The following FNIP1 variants were observed in gnomAD, a reference collection of about 807,000 sequenced individuals.
FNIP1 encodes the protein folliculin-interacting protein 1.
A neutral mutation model predicts 124.5 loss-of-function variants in FNIP1; 40 were observed. That is an observed-to-expected ratio of 0.32 (90% confidence interval 0.25 to 0.42). The LOEUF (loss-of-function observed/expected upper bound fraction) is 0.42, where lower values mean the gene tolerates loss of function less well. FNIP1 is among the 10% of genes least tolerant of loss of function. The probability of loss-of-function intolerance (pLI) is 1.00; values close to 1 mark genes in which losing one functional copy is unlikely to be tolerated. For missense variants in FNIP1, 1,176 were observed against 1,403.7 expected, an observed-to-expected ratio of 0.84 and a Z score of 2.59; for synonymous variants, 472 against 470.6, an observed-to-expected ratio of 1.00 and a Z score of -0.04.
chr5:131,739,874 C>T (rs1038013858), intron 2 of FNIP1, among the ~76,000 whole-genome samples: 2 of 146,874 alleles, frequency 1.4e-5, no homozygotes, highest in African/African-American at 5.0e-5. Context: ...AGTATATTTT[C>T]AAATGTGATA....
chr5:131,726,202 G>C (rs1769861398), intron 3 of FNIP1, among the ~76,000 whole-genome samples: 1 of 152,150 alleles, frequency 6.6e-6, no homozygotes, highest in Non-Finnish European at 1.5e-5. Context: ...GATGATGTTG[G>C]CCTCATAAAA....
chr5:131,759,087 T>TA (rs1026045748), intron 1 of FNIP1, among the ~76,000 whole-genome samples: 2 of 151,924 alleles, frequency 1.3e-5, no homozygotes, highest in Non-Finnish European at 2.9e-5. Context: ...TTTAACCGTA[T>TA]AAAAAAATTA....
chr5:131,718,860 G>T, intron 5 of FNIP1, 126 bp downstream of exon 5: 1 of 666,090 alleles, frequency 1.5e-6, no homozygotes, highest in Non-Finnish European at 2.5e-6. Context: ...TGGCTTCCAT[G>T]AACTTTTAAA....
intron 15 of FNIP1, among the ~76,000 whole-genome samples, chr5:131,655,931 A>G (rs1767178723): frequency 6.7e-6 from 1 of 150,282 alleles, no homozygotes; most frequent in African/African-American, 2.4e-5. Context: ...AAACAACAAA[A>G]CAAAACAAAA....
At chr5:131,663,360 T>G (rs569306784) in intron 15 of FNIP1, among the ~76,000 whole-genome samples, 13 of 152,354 alleles carry the variant, frequency 8.5e-5, no homozygotes, top group African/African-American at 3.1e-4. Context: ...TTTTTCTTGA[T>G]TCTCTGTTTC....
At position 131,766,189 on chromosome 5, in the gene FNIP1, T is replaced by G. The variant is rs148688499; in HGVS notation, c.93-21499A>C. Among the ~76,000 whole-genome samples, 171 of 152,004 alleles carry G rather than the reference T, an allele frequency of 1.1e-3. No individual in the cohort carries two copies. In the Middle Eastern group the frequency reaches 0.027, roughly 24 times the overall value. ...GTAACCTTGAACTCCTGGGCACAAG[T>G]GATCCTTCTGCCTCAGCCTCCAAGT... is the stretch of plus-strand genomic sequence containing the variant. On this transcript the variant is annotated intron_variant, in intron 1 of 17. Coordinates refer to ENST00000510461, the MANE Select transcript of FNIP1 (RefSeq NM_133372.3).
At chr5:131,751,888 C>CA (rs893952829) in intron 1 of FNIP1, among the ~76,000 whole-genome samples, 3 of 152,030 alleles carry the variant, frequency 2.0e-5, no homozygotes, top group African/African-American at 7.2e-5. Context: ...TGATGGTCAC[C>CA]AAAAAACTTT....
At chr5:131,689,327 T>G (rs1037059118) in intron 11 of FNIP1, among the ~76,000 whole-genome samples, 2 of 152,166 alleles carry the variant, frequency 1.3e-5, no homozygotes, top group African/African-American at 4.8e-5. Context: ...AAAGATATTT[T>G]TCAGAGAAAA....
At position 131,781,040 on chromosome 5, in the gene FNIP1, G is replaced by A. The variant is rs527415689; in HGVS notation, c.92+15790C>T. Among the ~76,000 whole-genome samples the A allele has an allele frequency of 2.0e-4, 31 of 152,314 alleles. No individual in the cohort carries two copies. In the South Asian group the frequency reaches 6.2e-3, roughly 30 times the overall value. The stretch of plus-strand genomic sequence containing the variant: ...TGCTACCCCAGTGAATAAAAAAATG[G>A]TAAGAAAGTGAAACAGCCTTATTGC... On this transcript the variant is annotated intron_variant, in intron 1 of 17. Transcript: ENST00000510461.
At chr5:131,677,903 A>G (rs1303204248) in intron 12 of FNIP1, 31 bp from the exon 13 acceptor site, 3 of 1,600,210 alleles carry the variant, frequency 1.9e-6, no homozygotes, top group Non-Finnish European at 2.6e-6. Flanking sequence ...ATCAGATTCC[A>G]ATCAGTCTTC....
chr5:131,659,678 C>T (rs1767353103), intron 15 of FNIP1, among the ~76,000 whole-genome samples: 1 of 152,200 alleles, frequency 6.6e-6, no homozygotes, highest in African/African-American at 2.4e-5. Flanking sequence ...GCCAGTGGTA[C>T]AGCCATAGGT....
intron 11 of FNIP1, among the ~76,000 whole-genome samples, chr5:131,693,345 T>TAC (rs1561658443): frequency 5.8e-4 from 76 of 130,552 alleles, no homozygotes; most frequent in African/African-American, 1.5e-3. Flanking sequence ...TATATATATA[T>TAC]ATATATATAT....
At chr5:131,711,968 A>G (rs1230985054) in intron 6 of FNIP1, among the ~76,000 whole-genome samples, 1 of 151,738 alleles carries the variant, frequency 6.6e-6, no homozygotes, top group Non-Finnish European at 1.5e-5. Context: ...CTCCTTCCCT[A>G]CCTCTTCTTC....
chr5:131,697,648 G>T (rs943311655), intron 11 of FNIP1, among the ~76,000 whole-genome samples: 2 of 151,908 alleles, frequency 1.3e-5, no homozygotes, highest in African/African-American at 2.4e-5. Flanking sequence ...AGTGACTTAA[G>T]TTGGGGAAGC....
At chr5:131,722,441 T>C (rs909672912) in intron 3 of FNIP1, among the ~76,000 whole-genome samples, 1 of 152,202 alleles carries the variant, frequency 6.6e-6, no homozygotes, top group African/African-American at 2.4e-5. Context: ...CTAAAATATT[T>C]AGGAAAATTC....
At position 131,781,178 on chromosome 5, in the gene FNIP1, CTGAGAGAGG is replaced by C. The variant is rs1157706355; in HGVS notation, c.92+15643_92+15651del. On this transcript the variant is annotated intron_variant, in intron 1 of 17. Transcript: ENST00000510461. ...CCTAACTCTCTCAACTCTATGAAGT[CTGAGAGAGG>C]TGAGAAGTTTGAAAGTAGTATAGGT... Among the ~76,000 whole-genome samples the C allele has an allele frequency of 2.0e-5, 3 of 152,328 alleles. No homozygotes were observed. In the East Asian group the frequency reaches 5.8e-4, roughly 29 times the overall value.
chr5:131,721,026 C>T (rs1260896428), intron 3 of FNIP1, among the ~76,000 whole-genome samples: 1 of 152,164 alleles, frequency 6.6e-6, no homozygotes. Context: ...GATGTTAGCA[C>T]TCCTATATTC....
intron 3 of FNIP1, among the ~76,000 whole-genome samples, chr5:131,720,000 A>G (rs984950953): frequency 7.9e-5 from 12 of 152,216 alleles, no homozygotes; most frequent in Non-Finnish European, 4.4e-5. Context: ...TTCACATGAA[A>G]CCACAGAAGA....
intron 11 of FNIP1, among the ~76,000 whole-genome samples, chr5:131,690,764 A>T (rs1309115901): frequency 6.6e-6 from 1 of 152,224 alleles, no homozygotes; most frequent in East Asian, 1.9e-4. Context: ...ATTATCAGAG[A>T]TAAAGAGGGG....
Sources: gnomAD v4.1 joint callset for allele counts (sites outside exome capture counted in the v4.1 genomes callset) on GRCh38, gnomAD v4.1.1 for gene constraint, MANE v1.5 for transcripts, NCBI Gene and HGNC (gene_info 2026-07-23, HGNC 2026-07-21) for gene names.